MYLK4: variants seen among roughly 807,000 people sequenced by gnomAD.
The protein encoded by MYLK4 is caMLCK like.
In MYLK4, 46 loss-of-function variants were observed where a neutral mutation model predicts 48.1. The ratio of observed to expected loss-of-function variants is 0.96; its 90% CI spans 0.75 to 1.22. The LOEUF is 1.22. MYLK4 is among the 50% of genes most tolerant of loss of function. The pLI is 0.00. For missense variants in MYLK4, 451 were observed against 486.1 expected (o/e 0.93, Z 0.68); for synonymous variants, 170 against 180.8 (o/e 0.94, Z 0.48).
intron 2 of MYLK4, among the ~76,000 whole-genome samples, chr6:2,739,252 C>T (rs1175659922): frequency 6.6e-6 from 1 of 152,174 alleles, no homozygotes; most frequent in Admixed American, 6.5e-5. Context: ...AGAGCCTGAC[C>T]AGAACCAACA....
intron 2 of MYLK4, among the ~76,000 whole-genome samples, chr6:2,705,404 AAT>A (rs1310661385): frequency 6.6e-6 from 1 of 152,208 alleles, no homozygotes; most frequent in Non-Finnish European, 1.5e-5. Flanking sequence ...TGGAGGTAGT[AAT>A]GAGTGAAGCG....
At chr6:2,756,173 T>C in the MYLK4 span, among the ~76,000 whole-genome samples, 1 of 152,178 alleles carries the variant, frequency 6.6e-6, no homozygotes, top group Non-Finnish European at 1.5e-5. Flanking sequence ...CCATTTCTTC[T>C]ATACTTATTA....
chr6:2,719,983 C>T lies in MYLK4; in HGVS notation c.160-27124G>A, dbSNP rs375063887. ...CAAAACCCCGTCTCTACTAAAAATA[C>T]AAAAATCAGTCCTATTCCCAGAGAT... is the stretch of plus-strand genomic sequence containing the variant. On this transcript the variant is annotated intron_variant, in intron 2 of 12. Transcript: ENST00000274643. 1.8e-3 allele frequency among the ~76,000 whole-genome samples: 275 copies of T among 151,868 alleles called. 1 individual carries two copies. Among genetic ancestry groups the T allele is most frequent in the African/African-American group, 6.3e-3 (259 of 41,392 alleles).
At chr6:2,764,083 G>C in the MYLK4 span, among the ~76,000 whole-genome samples, 1 of 152,212 alleles carries the variant, frequency 6.6e-6, no homozygotes, top group Non-Finnish European at 1.5e-5. Flanking sequence ...CGTGAGCTGA[G>C]ATTGCGCCAT....
At chr6:2,691,013 A>G (rs1243065584) in intron 3 of MYLK4, among the ~76,000 whole-genome samples, 2 of 151,724 alleles carry the variant, frequency 1.3e-5, no homozygotes, top group South Asian at 2.1e-4. Context: ...GTATTTTTAA[A>G]TAGAGACGGG....
intron 12 of MYLK4, among the ~76,000 whole-genome samples, chr6:2,669,760 C>G (rs1479518754): frequency 6.6e-6 from 1 of 152,170 alleles, no homozygotes; most frequent in Non-Finnish European, 1.5e-5. Flanking sequence ...AGAAACAACT[C>G]TCTCCTACCT....
chr6:2,687,649 G>A (rs937918610), intron 4 of MYLK4, among the ~76,000 whole-genome samples: 1 of 152,108 alleles, frequency 6.6e-6, no homozygotes, highest in Non-Finnish European at 1.5e-5. Flanking sequence ...GCCCATCCCC[G>A]CAGTCTCATG....
At chr6:2,721,788 G>A (rs991546456) in intron 2 of MYLK4, among the ~76,000 whole-genome samples, 2 of 152,214 alleles carry the variant, frequency 1.3e-5, no homozygotes, top group African/African-American at 4.8e-5. Context: ...CAAGTTGCTA[G>A]AGAGAGAAAA....
At chr6:2,671,565 C>G (rs542677942) in intron 11 of MYLK4, among the ~76,000 whole-genome samples, 3 of 152,290 alleles carry the variant, frequency 2.0e-5, no homozygotes, top group Middle Eastern at 6.8e-3. Flanking sequence ...CCCTGTCACA[C>G]GACCCTTCCT....
the MYLK4 span, among the ~76,000 whole-genome samples, chr6:2,760,808 T>C: frequency 6.6e-6 from 1 of 152,000 alleles, no homozygotes; most frequent in Non-Finnish European, 1.5e-5. Flanking sequence ...CTTACAATAG[T>C]AAGGAAATAT....
chr6:2,674,408 A>G (rs1420073626), intron 11 of MYLK4, among the ~76,000 whole-genome samples: 2 of 152,216 alleles, frequency 1.3e-5, no homozygotes, highest in African/African-American at 4.8e-5. Flanking sequence ...ACATTACTAT[A>G]TATTCTCCAG....
chr6:2,688,776 C>T (rs930917601), intron 4 of MYLK4, 75 bp downstream of exon 4: 2 of 1,161,386 alleles, frequency 1.7e-6, no homozygotes, highest in African/African-American at 1.5e-5. Flanking sequence ...CAGGTCAAGA[C>T]AGGCAGACAT....
intron 7 of MYLK4, among the ~76,000 whole-genome samples, chr6:2,680,764 C>G (rs1761269819): frequency 6.6e-6 from 1 of 152,216 alleles, no homozygotes; most frequent in African/African-American, 2.4e-5. Flanking sequence ...AACGTTCCGG[C>G]CTCCAGAGCT....
chr6:2,749,744 G>T (rs989615402), intron 1 of MYLK4, among the ~76,000 whole-genome samples: 1 of 152,130 alleles, frequency 6.6e-6, no homozygotes, highest in Non-Finnish European at 1.5e-5. Flanking sequence ...AATTGGAACC[G>T]CAGGTTTTGC....
chr6:2,766,549 C>A, the MYLK4 span: 1 of 1,413,174 alleles, frequency 7.1e-7, no homozygotes, highest in Non-Finnish European at 9.3e-7. Flanking sequence ...CCGCCTGCCT[C>A]TCCTGGATAA....
In MYLK4 at chr6:2,685,562, T is replaced by C. The variant is rs763762722; in HGVS notation, c.356A>G (p.Gln119Arg). The change falls in exon 5 of 13, where the codon CAG (glutamine) becomes CGG (arginine). Residue 119 changes from glutamine to arginine, a missense_variant. By Grantham distance (43) the Gln-to-Arg change is conservative. Transcript: ENST00000274643. This position sits in a 1 kb window ranked among gnomAD's most constrained non-coding sequence, Gnocchi z 4.5. The stretch of plus-strand genomic sequence containing the variant: ...GGCCGTCTCCTCACACTTGTGAACC[T>C]GGCCGAAACGCCCTCTGCCAAAAAG... ...TEILGGGRFGQVHKCEETATG... is the reference protein window; with the variant it reads ...TEILGGGRFGRVHKCEETATG... 7 of 1,614,174 alleles carry C rather than the reference T, an allele frequency of 4.3e-6. No homozygotes were observed. The highest frequency in any genetic ancestry group is 5.9e-6 in the Non-Finnish European group (7 of 1,180,028).
chr6:2,766,704 T>C, the MYLK4 span, among the ~76,000 whole-genome samples: 2 of 152,210 alleles, frequency 1.3e-5, no homozygotes, highest in African/African-American at 4.8e-5. Flanking sequence ...TCCATAGTTT[T>C]ACAAGATGTG....
intron 2 of MYLK4, among the ~76,000 whole-genome samples, chr6:2,736,818 C>G (rs4959717): frequency 0.8 from 121,222 of 152,202 alleles, 48,546 homozygotes; most frequent in East Asian, 0.94. Context: ...CATATTAAGA[C>G]ACAAAGGTTC....
intron 2 of MYLK4, among the ~76,000 whole-genome samples, chr6:2,720,129 G>T (rs1295799575): frequency 6.6e-6 from 1 of 151,158 alleles, no homozygotes; most frequent in African/African-American, 2.4e-5. Context: ...ACTAGGCTGG[G>T]CGCGGTGGCT....
Sources: allele counts gnomAD v4.1 joint callset (sites outside exome capture counted in the v4.1 genomes callset), GRCh38; gene constraint gnomAD v4.1.1; non-coding constraint Gnocchi (gnomAD v3.1); transcripts MANE v1.5; gene names NCBI Gene and HGNC (gene_info 2026-07-23, HGNC 2026-07-21).